Variants in GLI2 observed in about 807,000 individuals in gnomAD.
GLI2 encodes the protein GLI family zinc finger 2, also known as transcription activator GLI2.
A neutral mutation model predicts 78.9 loss-of-function variants in GLI2; 22 were observed. The observed-to-expected ratio is 0.28, with a 90% confidence interval of 0.20 to 0.40. GLI2 has a LOEUF of 0.40. GLI2 is among the 10% of genes least tolerant of loss of function. The pLI is 1.00. For synonymous variants in GLI2, 974 were observed against 963.7 expected (o/e 1.01, Z -0.20); for missense variants, 2,097 against 2,213.2 (o/e 0.95, Z 1.05).
chr2:120,912,694 C>G (rs991681033), intron 2 of GLI2, among the ~76,000 whole-genome samples: 11 of 152,322 alleles, frequency 7.2e-5, no homozygotes, highest in African/African-American at 2.2e-4. Flanking sequence ...GCCGCACTGC[C>G]CCTCATGACC....
chr2:120,893,456 G>A (rs1267600540), intron 2 of GLI2, among the ~76,000 whole-genome samples: 1 of 152,076 alleles, frequency 6.6e-6, no homozygotes, highest in Non-Finnish European at 1.5e-5. Context: ...TTCTGAGAAC[G>A]GACTCCTTTT....
At chr2:120,893,991 A>G (rs1192270129) in intron 2 of GLI2, among the ~76,000 whole-genome samples, 4 of 152,198 alleles carry the variant, frequency 2.6e-5, no homozygotes, top group Non-Finnish European at 5.9e-5. Context: ...GCCCCTCCCA[A>G]ACGTCCCCTG....
At chr2:120,773,383 C>T (rs1191571809) in intron 1 of GLI2, among the ~76,000 whole-genome samples, 1 of 152,084 alleles carries the variant, frequency 6.6e-6, no homozygotes, top group African/African-American at 2.4e-5. Flanking sequence ...AAGAATCCCA[C>T]ACATTATGTG....
intron 1 of GLI2, among the ~76,000 whole-genome samples, chr2:120,748,827 G>A (rs543623688): frequency 6.6e-6 from 1 of 151,922 alleles, no homozygotes; most frequent in Non-Finnish European, 1.5e-5. Context: ...TATAGGTTGA[G>A]ATTAAGATTA....
intron 2 of GLI2, among the ~76,000 whole-genome samples, chr2:120,808,567 T>C (rs1270453833): frequency 6.6e-6 from 1 of 152,174 alleles, no homozygotes; most frequent in African/African-American, 2.4e-5. Flanking sequence ...TGAGGCTCGA[T>C]GTCAGCGAGA....
In GLI2 at chr2:120,768,124, C is replaced by T. The variant is rs185238807; in HGVS notation, c.-30-29167C>T. Among the ~76,000 whole-genome samples, 192 of 152,368 alleles carry T rather than the reference C, an allele frequency of 1.3e-3. 1 individual carries two copies. The highest frequency in any genetic ancestry group is 4.5e-3 in the African/African-American group (188 of 41,592). Reference sequence around the variant, plus strand: ...GGCATATTTTAAAAATTAAAAGCTGCAGCATCTACCCTGGAATAGCAGTAT... The same window carrying T: ...GGCATATTTTAAAAATTAAAAGCTGTAGCATCTACCCTGGAATAGCAGTAT... On this transcript the variant is annotated intron_variant, in intron 1 of 13. Transcript: ENST00000361492.
intron 4 of GLI2, chr2:120,951,797 G>A (rs1029129487): frequency 4.8e-6 from 1 of 208,796 alleles, no homozygotes; most frequent in Non-Finnish European, 9.5e-6. Context: ...AGTGTCTCAT[G>A]CAGAAGGAAG....
At chr2:120,752,185 T>A (rs1330887331) in intron 1 of GLI2, among the ~76,000 whole-genome samples, 3 of 152,210 alleles carry the variant, frequency 2.0e-5, no homozygotes, top group Admixed American at 6.5e-5. Flanking sequence ...TTTAGCAATA[T>A]GTCTTGGCAT....
intron 2 of GLI2, among the ~76,000 whole-genome samples, chr2:120,858,000 G>A (rs1033155784): frequency 6.6e-6 from 1 of 152,188 alleles, no homozygotes; most frequent in Non-Finnish European, 1.5e-5. Flanking sequence ...TTTGTGGGTC[G>A]ATGGAAAGGT....
At chr2:120,970,657 T>A in intron 7 of GLI2, 51 bp downstream of exon 7, 1 of 1,439,716 alleles carries the variant, frequency 6.9e-7, no homozygotes. Flanking sequence ...TCTGGACACA[T>A]GAGGGTTGTT....
intron 2 of GLI2, among the ~76,000 whole-genome samples, chr2:120,878,394 G>A (rs1031914942): frequency 2.0e-5 from 3 of 152,200 alleles, no homozygotes; most frequent in Non-Finnish European, 4.4e-5. Flanking sequence ...CATGGTTGCA[G>A]TAAAGTCACT....
At chr2:120,853,556 T>C (rs1301101852) in intron 2 of GLI2, among the ~76,000 whole-genome samples, 1 of 152,110 alleles carries the variant, frequency 6.6e-6, no homozygotes, top group Non-Finnish European at 1.5e-5. Flanking sequence ...GCTGTTTGGA[T>C]CTGTTGTTTT....
At chr2:120,747,529 G>A (rs1001739521) in intron 1 of GLI2, among the ~76,000 whole-genome samples, 3 of 152,190 alleles carry the variant, frequency 2.0e-5, no homozygotes, top group Admixed American at 6.5e-5. Context: ...TTTCTCAACT[G>A]GGCAGTGTCT....
At chr2:120,927,807 G>T (rs941720023) in intron 3 of GLI2, among the ~76,000 whole-genome samples, 1 of 152,200 alleles carries the variant, frequency 6.6e-6, no homozygotes, top group African/African-American at 2.4e-5. Flanking sequence ...GGTGATCTTA[G>T]GTATCTGTTG....
At chr2:120,829,220 C>T (rs1398109221) in intron 2 of GLI2, among the ~76,000 whole-genome samples, 1 of 152,238 alleles carries the variant, frequency 6.6e-6, no homozygotes, top group Non-Finnish European at 1.5e-5. Flanking sequence ...CCTGCACTCA[C>T]ACAGTCACAG....
At chr2:120,769,295 T>C (rs4848115) in intron 1 of GLI2, among the ~76,000 whole-genome samples, 22,397 of 152,178 alleles carry the variant, frequency 0.15, 1,701 homozygotes, top group Middle Eastern at 0.21. Flanking sequence ...CCCCTAACTT[T>C]TTGGTGAGCC....
intron 2 of GLI2, among the ~76,000 whole-genome samples, chr2:120,806,885 C>G (rs992903097): frequency 6.6e-6 from 1 of 152,210 alleles, no homozygotes; most frequent in African/African-American, 2.4e-5. Context: ...GGGGCCATGG[C>G]CCTGTCCCCA....
At chr2:120,893,709 C>A (rs1444342613) in intron 2 of GLI2, among the ~76,000 whole-genome samples, 2 of 150,692 alleles carry the variant, frequency 1.3e-5, no homozygotes, top group Non-Finnish European at 3.0e-5. Context: ...CAACCCCCCA[C>A]AAAACAGAAA....
At chr2:120,876,569 G>T (rs1688758315) in intron 2 of GLI2, among the ~76,000 whole-genome samples, 1 of 151,984 alleles carries the variant, frequency 6.6e-6, no homozygotes. Context: ...ACTCACCGGA[G>T]AAATCAGACA....
Sources: gnomAD v4.1 joint callset for allele counts (sites outside exome capture counted in the v4.1 genomes callset) on GRCh38, gnomAD v4.1.1 for gene constraint, MANE v1.5 for transcripts, NCBI Gene and HGNC (gene_info 2026-07-23, HGNC 2026-07-21) for gene names.